CEP112: variants seen among roughly 807,000 people sequenced by gnomAD.
CEP112 encodes centrosomal protein of 112 kDa.
Under a neutral mutation model 153.0 loss-of-function variants are expected in CEP112, and 127 were observed. The observed-to-expected ratio is 0.83, with a 90% CI of 0.72 to 0.96. CEP112 has a LOEUF of 0.96. Among genes scored for constraint, CEP112 ranks in the 40% least tolerant of loss-of-function variants. CEP112 has a pLI of 0.00. For missense variants in CEP112, 1,089 were observed against 1,101.2 expected (o/e 0.99, Z 0.16); for synonymous variants, 358 against 374.4 (o/e 0.96, Z 0.51).
At chr17:65,688,282 T>C (rs1433367360) in intron 24 of CEP112, 2 of 152,224 alleles carry the variant, frequency 1.3e-5, no homozygotes, top group Admixed American at 6.5e-5. Context: ...AATGATGACA[T>C]AGCAGACACT....
At chr17:66,065,730 T>C (rs937379915) in intron 10 of CEP112, among the ~76,000 whole-genome samples, 3 of 151,458 alleles carry the variant, frequency 2.0e-5, no homozygotes, top group Non-Finnish European at 4.4e-5. Flanking sequence ...CCCAGGTTCA[T>C]GCCATTCTCC....
In CEP112 at chr17:65,710,136, G is replaced by C. The variant is rs1036848997; in HGVS notation, c.2608-20918C>G. Among the ~76,000 whole-genome samples, 197 of 152,268 alleles carry C rather than the reference G, an allele frequency of 1.3e-3. 1 individual carries two copies. Among genetic ancestry groups the C allele is most frequent in the African/African-American group, 4.5e-3 (189 of 41,546 alleles). ...CACTTATACAGTGCACCCTTCATGA[G>C]GGTCCTACAGCTGAAATTCCTCTCT... On this transcript the variant is annotated intron_variant, in intron 23 of 26. Coordinates refer to ENST00000535342, the MANE Select transcript of CEP112 (RefSeq NM_001199165.4).
chr17:65,782,735 G>A (rs949904747), intron 21 of CEP112, among the ~76,000 whole-genome samples: 1 of 152,086 alleles, frequency 6.6e-6, no homozygotes, highest in Non-Finnish European at 1.5e-5. Context: ...AATACCACAT[G>A]TTCTCACTTA....
At chr17:65,833,488 A>G (rs1030229333) in intron 21 of CEP112, among the ~76,000 whole-genome samples, 1 of 152,200 alleles carries the variant, frequency 6.6e-6, no homozygotes, top group African/African-American at 2.4e-5. Context: ...TTCAGCTGAT[A>G]AAAAACTTCA....
In CEP112 at chr17:66,174,468, C is replaced by A. The variant is rs189103736; in HGVS notation, c.470+576G>T. 9.7e-4 allele frequency among the ~76,000 whole-genome samples: 148 copies of A among 152,148 alleles called. 1 individual carries two copies. The highest frequency in any genetic ancestry group is 7.4e-3 in the Admixed American group (113 of 15,280). On this transcript the variant is annotated intron_variant, in intron 4 of 26. Transcript: ENST00000535342. ...TATGGTACATGGTAATTGACACTGT[C>A]CTATATTTTACTAAAACATTTCAAG...
chr17:65,721,162 T>C (rs956544432), intron 23 of CEP112, among the ~76,000 whole-genome samples: 7 of 152,064 alleles, frequency 4.6e-5, no homozygotes, highest in Non-Finnish European at 8.8e-5. Flanking sequence ...AGGTGCTCGC[T>C]ACCATGCCTG....
At position 65,702,222 on chromosome 17, in the gene CEP112, A is replaced by C. The variant is rs112325146; in HGVS notation, c.2608-13004T>G. Among the ~76,000 whole-genome samples, 1,278 of 152,098 alleles carry C rather than the reference A, an allele frequency of 8.4e-3. 14 individuals carry two copies. Among genetic ancestry groups the C allele is most frequent in the African/African-American group, 0.026 (1,091 of 41,502 alleles). On this transcript the variant is annotated intron_variant, in intron 23 of 26. Coordinates refer to ENST00000535342, the MANE Select transcript of CEP112 (RefSeq NM_001199165.4). Reference sequence around the variant, plus strand: ...CCACTCTACGTCCTGATTTCTGCCCACCAGGATTCCAGACTCTTTCCCAGT... The same window carrying C: ...CCACTCTACGTCCTGATTTCTGCCCCCCAGGATTCCAGACTCTTTCCCAGT...
chr17:65,976,867 T>C (rs2063056523), intron 17 of CEP112, among the ~76,000 whole-genome samples: 1 of 151,136 alleles, frequency 6.6e-6, no homozygotes, highest in Non-Finnish European at 1.5e-5. Context: ...GCCTCCCAAG[T>C]AGCTGGGATT....
At position 65,714,749 on chromosome 17, in the gene CEP112, A is replaced by T. The variant is rs184014083; in HGVS notation, c.2608-25531T>A. Among the ~76,000 whole-genome samples, 102 of 152,296 alleles carry T rather than the reference A, an allele frequency of 6.7e-4. 1 individual carries two copies. The highest frequency in any genetic ancestry group is 2.5e-3 in the African/African-American group (102 of 41,560). Reference sequence around the variant, plus strand: ...ATTAAGCAATCCCATATTCTGGTAAAAATAGCATTACCAAATATTTATATA... The same window carrying T: ...ATTAAGCAATCCCATATTCTGGTAATAATAGCATTACCAAATATTTATATA... On this transcript the variant is annotated intron_variant, in intron 23 of 26. Transcript: ENST00000535342.
intron 22 of CEP112, among the ~76,000 whole-genome samples, chr17:65,750,293 GCA>G (rs1375184806): frequency 6.6e-6 from 1 of 152,140 alleles, no homozygotes; most frequent in Non-Finnish European, 1.5e-5. Flanking sequence ...TACCAAAAAA[GCA>G]CAGATAGTAC....
intron 12 of CEP112, among the ~76,000 whole-genome samples, chr17:66,051,063 T>C (rs139250214): frequency 2.8e-4 from 43 of 152,200 alleles, no homozygotes; most frequent in Non-Finnish European, 5.9e-4. Context: ...CACTGCAACC[T>C]TGACCTAATG....
At chr17:65,853,476 A>G (rs1264972103) in intron 20 of CEP112, among the ~76,000 whole-genome samples, 1 of 152,024 alleles carries the variant, frequency 6.6e-6, no homozygotes, top group Non-Finnish European at 1.5e-5. Context: ...CATGTCTGTA[A>G]TCCCAGCACT....
intron 6 of CEP112, among the ~76,000 whole-genome samples, chr17:66,124,676 T>G (rs1279775093): frequency 6.6e-6 from 1 of 152,088 alleles, no homozygotes; most frequent in Admixed American, 6.6e-5. Flanking sequence ...ATCCCTCAAT[T>G]TGGCCCACCC....
chr17:66,160,159 A>C (rs768015233), intron 4 of CEP112, among the ~76,000 whole-genome samples: 3 of 152,200 alleles, frequency 2.0e-5, no homozygotes, highest in African/African-American at 4.8e-5. Context: ...CTCTTCAAGG[A>C]GAACTACAAA....
At chr17:65,752,808 C>T (rs2051969027) in intron 21 of CEP112, among the ~76,000 whole-genome samples, 1 of 152,202 alleles carries the variant, frequency 6.6e-6, no homozygotes, top group South Asian at 2.1e-4. Context: ...AAGTTAATTT[C>T]AGGCCCAGCC....
chr17:65,809,854 G>T (rs950574399), intron 21 of CEP112, among the ~76,000 whole-genome samples: 2 of 138,200 alleles, frequency 1.4e-5, no homozygotes, highest in African/African-American at 2.7e-5. Context: ...AAAGGAAGTG[G>T]GGGGGGGAAG....
chr17:65,640,248 G>T (rs536142396), intron 25 of CEP112, among the ~76,000 whole-genome samples: 1 of 141,770 alleles, frequency 7.1e-6, no homozygotes, highest in African/African-American at 2.8e-5. Context: ...CTGCCTCTGG[G>T]GTTCAAGTGA....
At chr17:66,035,006 ATATTTT>A (rs2065669036) in intron 12 of CEP112, among the ~76,000 whole-genome samples, 2 of 83,718 alleles carry the variant, frequency 2.4e-5, no homozygotes, top group African/African-American at 7.8e-5. Flanking sequence ...ATATATATAT[ATATTTT>A]TTTTTTTAGT....
intron 21 of CEP112, among the ~76,000 whole-genome samples, chr17:65,831,620 A>G (rs897035778): frequency 2.0e-5 from 3 of 152,074 alleles, no homozygotes; most frequent in African/African-American, 7.2e-5. Flanking sequence ...AAACTAAAAG[A>G]AATTTGGAAA....
Sources: gnomAD v4.1 joint callset for allele counts (sites outside exome capture counted in the v4.1 genomes callset) on GRCh38, gnomAD v4.1.1 for gene constraint, MANE v1.5 for transcripts, NCBI Gene and HGNC (gene_info 2026-07-23, HGNC 2026-07-21) for gene names.